The following MTA3 variants were observed in gnomAD, a reference collection of about 807,000 sequenced individuals.
MTA3 encodes the protein metastasis-associated protein MTA3.
In MTA3, 34 loss-of-function variants were observed where a neutral mutation model predicts 83.5. The observed-to-expected ratio is 0.41, with a 90% confidence interval of 0.31 to 0.54. The LOEUF is 0.54. Among genes scored for constraint, MTA3 ranks in the 20% least tolerant of loss-of-function variants. The pLI, the probability that MTA3 is intolerant of heterozygous loss-of-function variation, is 0.33. For synonymous variants in MTA3, 303 were observed against 252.7 expected, an observed-to-expected ratio of 1.20 and a Z score of -1.89; for missense variants, 761 against 726.4, an observed-to-expected ratio of 1.05 and a Z score of -0.55.
intron 2 of MTA3, among the ~76,000 whole-genome samples, chr2:42,558,908 T>G (rs1303897182): frequency 5.3e-5 from 8 of 151,962 alleles, no homozygotes; most frequent in Non-Finnish European, 8.8e-5. Flanking sequence ...AAATCAGGAT[T>G]TCTTGGGGTG....
At chr2:42,597,868 GA>G (rs1191271429) in intron 3 of MTA3, among the ~76,000 whole-genome samples, 2 of 151,090 alleles carry the variant, frequency 1.3e-5, no homozygotes, top group African/African-American at 4.9e-5. Context: ...CTTTTGTAGA[GA>G]CAGGGTTTTG....
intron 2 of MTA3, among the ~76,000 whole-genome samples, chr2:42,530,613 C>T (rs1351510533): frequency 6.6e-6 from 1 of 151,468 alleles, no homozygotes; most frequent in Non-Finnish European, 1.5e-5. Context: ...GAGAAACCCC[C>T]TCTCTACTAA....
chr2:42,541,299 G>C (rs1676508208), intron 2 of MTA3, among the ~76,000 whole-genome samples: 1 of 152,206 alleles, frequency 6.6e-6, no homozygotes, highest in Non-Finnish European at 1.5e-5. Context: ...CCAGAGTGCT[G>C]GGATTACAGG....
intron 7 of MTA3, among the ~76,000 whole-genome samples, chr2:42,658,797 A>G (rs1033667432): frequency 2.6e-5 from 4 of 152,058 alleles, no homozygotes; most frequent in African/African-American, 9.7e-5. Flanking sequence ...CTTAGGGGTC[A>G]ACCACAATGG....
intron 2 of MTA3, among the ~76,000 whole-genome samples, chr2:42,574,721 C>T (rs961904371): frequency 2.0e-5 from 3 of 152,094 alleles, no homozygotes; most frequent in Non-Finnish European, 4.4e-5. Flanking sequence ...CCACTGCACC[C>T]CGCCTAATGT....
chr2:42,647,167 A>ACAAAAAAAAAAAAACCAAAAAAAAAAAC (rs1360967605), intron 6 of MTA3, among the ~76,000 whole-genome samples: 1 of 150,260 alleles, frequency 6.7e-6, no homozygotes, highest in African/African-American at 2.5e-5. Flanking sequence ...AAAAAAAAAA[A>ACAAAAAAAAAAAAACCAAAAAAAAAAAC]CAAAAAAGAA....
At chr2:42,659,665 G>A (rs1558552974) in intron 7 of MTA3, 98 bp from the exon 8 acceptor site, 2 of 880,208 alleles carry the variant, frequency 2.3e-6, no homozygotes, top group East Asian at 3.6e-5. Context: ...TTCTTTTACA[G>A]TTTTTTATTT....
chr2:42,615,780 G>C (rs1393591625), intron 4 of MTA3, among the ~76,000 whole-genome samples: 1 of 134,754 alleles, frequency 7.4e-6, no homozygotes, highest in Non-Finnish European at 1.5e-5. Context: ...GAGTGTGGTG[G>C]CCTGATCTTG....
intron 9 of MTA3, among the ~76,000 whole-genome samples, chr2:42,687,704 G>A (rs924756050): frequency 6.6e-5 from 10 of 152,160 alleles, no homozygotes; most frequent in Admixed American, 2.0e-4. Context: ...CCGGTATGTT[G>A]CCCTTTAGGG....
chr2:42,665,765 G>A (rs746318526), intron 8 of MTA3, among the ~76,000 whole-genome samples: 4 of 152,162 alleles, frequency 2.6e-5, no homozygotes, highest in South Asian at 2.1e-4. Context: ...AGCCTGATGC[G>A]CCTTCTAGAG....
chr2:42,582,096 C>T (rs547908698), intron 3 of MTA3, among the ~76,000 whole-genome samples: 8 of 148,248 alleles, frequency 5.4e-5, no homozygotes, highest in Admixed American at 2.7e-4. Context: ...CTTGCTGTGT[C>T]GCCCAGGCTG....
At chr2:42,555,386 C>T (rs1677329547) in intron 2 of MTA3, among the ~76,000 whole-genome samples, 1 of 124,004 alleles carries the variant, frequency 8.1e-6, no homozygotes, top group African/African-American at 3.2e-5. Flanking sequence ...ACCCAGGAGG[C>T]GGAGGTTGTG....
intron 3 of MTA3, among the ~76,000 whole-genome samples, chr2:42,601,951 C>A (rs1185401391): frequency 6.6e-6 from 1 of 152,128 alleles, no homozygotes; most frequent in Non-Finnish European, 1.5e-5. Context: ...GGAATTCTCC[C>A]ACCTCAGCCC....
intron 2 of MTA3, among the ~76,000 whole-genome samples, chr2:42,515,903 C>G (rs1180757009): frequency 2.7e-5 from 4 of 147,078 alleles, no homozygotes; most frequent in Non-Finnish European, 6.0e-5. Context: ...TGCAGTGGTG[C>G]GATCTCGGCT....
chr2:42,747,433 G>A (rs931601480), intron 16 of MTA3, among the ~76,000 whole-genome samples: 1 of 152,090 alleles, frequency 6.6e-6, no homozygotes, highest in Non-Finnish European at 1.5e-5. Context: ...AGGCACCGGG[G>A]TGGGGGTGCA....
chr2:42,661,258 G>C (rs181833503), intron 8 of MTA3, among the ~76,000 whole-genome samples: 11 of 152,114 alleles, frequency 7.2e-5, no homozygotes, highest in African/African-American at 1.4e-4. Flanking sequence ...TTTCACTTTG[G>C]GGGGCTGAGG....
At chr2:42,707,206 G>A (rs945221272) in intron 12 of MTA3, among the ~76,000 whole-genome samples, 5 of 151,664 alleles carry the variant, frequency 3.3e-5, no homozygotes, top group Non-Finnish European at 7.4e-5. Flanking sequence ...TCCTTGGAGT[G>A]GTGTCTGAAC....
chr2:42,738,580 GA>G (rs1416908740), intron 16 of MTA3, among the ~76,000 whole-genome samples: 1 of 152,192 alleles, frequency 6.6e-6, no homozygotes. Context: ...TGTGCAATAT[GA>G]AATCTGAGCA....
intron 2 of MTA3, among the ~76,000 whole-genome samples, chr2:42,578,475 T>C (rs1403750875): frequency 2.6e-5 from 4 of 152,224 alleles, no homozygotes; most frequent in Non-Finnish European, 5.9e-5. Context: ...TTTTTAGATG[T>C]GAAGGTAAAC....
Sources: gnomAD v4.1 joint callset for allele counts (sites outside exome capture counted in the v4.1 genomes callset) on GRCh38, gnomAD v4.1.1 for gene constraint, MANE v1.5 for transcripts, NCBI Gene and HGNC (gene_info 2026-07-23, HGNC 2026-07-21) for gene names.